The following RBPJ variants were observed in gnomAD, a reference collection of about 807,000 sequenced individuals.
RBPJ encodes recombination signal binding protein for immunoglobulin kappa J region, also known as recombining binding protein suppressor of hairless.
A neutral mutation model predicts 67.8 loss-of-function variants in RBPJ; 9 were observed. That is an observed-to-expected ratio of 0.13 (90% confidence interval 0.08 to 0.23). RBPJ has a LOEUF of 0.23. Ranked by LOEUF, RBPJ falls within the 10% of genes least tolerant of loss-of-function variation. The pLI is 1.00. For synonymous variants in RBPJ, 198 were observed against 203.3 expected, an observed-to-expected ratio of 0.97 and a Z score of 0.22; for missense variants, 305 against 595.6, an observed-to-expected ratio of 0.51 and a Z score of 5.08.
chr4:26,123,149 G>A, the RBPJ span, among the ~76,000 whole-genome samples: 1 of 152,230 alleles, frequency 6.6e-6, no homozygotes, highest in East Asian at 1.9e-4. Flanking sequence ...AACCTAGATG[G>A]TGTAGCCTAC....
chr4:26,354,249 G>C (rs1221079859), intron 1 of RBPJ, among the ~76,000 whole-genome samples: 1 of 152,060 alleles, frequency 6.6e-6, no homozygotes, highest in East Asian at 1.9e-4. Flanking sequence ...TAGATCATGA[G>C]ATAATTTATA....
At chr4:26,261,732 G>A (rs114970965) in intron 1 of RBPJ, among the ~76,000 whole-genome samples, 2,104 of 152,266 alleles carry the variant, frequency 0.014, 14 homozygotes, top group Non-Finnish European at 0.02. Flanking sequence ...AAGACAGTGA[G>A]TGCTCTATCA....
At chr4:26,248,239 C>A (rs753119042) in intron 1 of RBPJ, among the ~76,000 whole-genome samples, 11 of 151,984 alleles carry the variant, frequency 7.2e-5, no homozygotes, top group African/African-American at 2.7e-4. Context: ...TGCAATGAGC[C>A]GAGACCATGC....
At chr4:26,238,632 T>A (rs1719529594) in intron 1 of RBPJ, among the ~76,000 whole-genome samples, 1 of 152,132 alleles carries the variant, frequency 6.6e-6, no homozygotes, top group Non-Finnish European at 1.5e-5. Flanking sequence ...CCCTCTGCTG[T>A]GACATAGAAA....
chr4:26,140,619 C>T, the RBPJ span, among the ~76,000 whole-genome samples: 3 of 108,694 alleles, frequency 2.8e-5, no homozygotes, highest in Admixed American at 2.0e-4. Context: ...AAGCCAAAGC[C>T]GCCCCACCCC....
chr4:26,307,297 C>T (rs2109304440), intron 1 of RBPJ, among the ~76,000 whole-genome samples: 1 of 152,332 alleles, frequency 6.6e-6, no homozygotes, highest in Admixed American at 6.5e-5. Context: ...AACTAGAAAG[C>T]TGTTGCATGT....
At chr4:26,361,869 T>C (rs910513948) in intron 1 of RBPJ, among the ~76,000 whole-genome samples, 8 of 152,310 alleles carry the variant, frequency 5.3e-5, no homozygotes, top group African/African-American at 1.9e-4. Flanking sequence ...AAGGAACAGA[T>C]ACCTGCCAAG....
chr4:26,222,823 A>G (rs1231779474), intron 1 of RBPJ, among the ~76,000 whole-genome samples: 1 of 151,976 alleles, frequency 6.6e-6, no homozygotes, highest in African/African-American at 2.4e-5. Flanking sequence ...CATAAAACAT[A>G]TAATCCTTTG....
chr4:26,362,726 T>G, intron 1 of RBPJ: 1 of 951,556 alleles, frequency 1.1e-6, no homozygotes, highest in Non-Finnish European at 1.6e-6. Context: ...TATTCTGTAT[T>G]TAGTTATTAC....
chr4:26,267,004 A>G (rs555351473), intron 1 of RBPJ, among the ~76,000 whole-genome samples: 1 of 152,330 alleles, frequency 6.6e-6, no homozygotes, highest in South Asian at 2.1e-4. Flanking sequence ...AACTTCCAAA[A>G]CACAGATAGC....
the RBPJ span, among the ~76,000 whole-genome samples, chr4:26,144,150 A>G: frequency 1.3e-5 from 2 of 152,192 alleles, no homozygotes; most frequent in Non-Finnish European, 2.9e-5. Flanking sequence ...AATCACTTCT[A>G]TAATAGGTAT....
chr4:26,248,499 T>A (rs1719998323), intron 1 of RBPJ, among the ~76,000 whole-genome samples: 1 of 152,190 alleles, frequency 6.6e-6, no homozygotes, highest in Non-Finnish European at 1.5e-5. Flanking sequence ...GCAGAATAAT[T>A]GTGGTGATAT....
intron 1 of RBPJ, among the ~76,000 whole-genome samples, chr4:26,268,502 C>T (rs999256413): frequency 6.6e-6 from 1 of 152,142 alleles, no homozygotes; most frequent in Non-Finnish European, 1.5e-5. Flanking sequence ...TTCTAATTAG[C>T]CAGCCAGGAG....
the RBPJ span, among the ~76,000 whole-genome samples, chr4:26,153,136 A>G: frequency 6.6e-6 from 1 of 152,244 alleles, no homozygotes; most frequent in East Asian, 1.9e-4. Flanking sequence ...GTTTGTGTGC[A>G]TCGAACCATC....
At chr4:26,189,074 T>A (rs1399922214) in intron 1 of RBPJ, among the ~76,000 whole-genome samples, 1 of 152,122 alleles carries the variant, frequency 6.6e-6, no homozygotes, top group Non-Finnish European at 1.5e-5. Context: ...AAGAAATAGC[T>A]GGGCAAAGGG....
intron 1 of RBPJ, among the ~76,000 whole-genome samples, chr4:26,179,231 G>A (rs1716898029): frequency 1.3e-5 from 2 of 151,348 alleles, no homozygotes; most frequent in African/African-American, 4.9e-5. Context: ...GGTGTTATCT[G>A]AGAGCTGTCA....
chr4:26,315,167 A>AAAAAAATATATAT (rs1325689348), upstream of RBPJ, among the ~76,000 whole-genome samples: 14 of 74,748 alleles, frequency 1.9e-4, no homozygotes, highest in Admixed American at 3.5e-4. Context: ...AAAAAAAAAA[A>AAAAAAATATATAT]ATATATATAT....
intron 1 of RBPJ, among the ~76,000 whole-genome samples, chr4:26,252,755 G>C (rs1720155879): frequency 1.3e-5 from 2 of 152,212 alleles, no homozygotes; most frequent in South Asian, 4.1e-4. Flanking sequence ...GAAAATGTCA[G>C]CACAAACAGC....
chr4:26,176,671 T>C (rs1476736088), intron 1 of RBPJ, among the ~76,000 whole-genome samples: 2 of 152,216 alleles, frequency 1.3e-5, no homozygotes, highest in Non-Finnish European at 1.5e-5. Flanking sequence ...CCCACGTATA[T>C]AGGCAGTGGT....
Sources: allele counts gnomAD v4.1 joint callset (sites outside exome capture counted in the v4.1 genomes callset), GRCh38; gene constraint gnomAD v4.1.1; transcripts MANE v1.5; gene names NCBI Gene and HGNC (gene_info 2026-07-23, HGNC 2026-07-21).